Variants in MCC observed in about 807,000 individuals in gnomAD.
The protein encoded by MCC is MCC regulator of Wnt signaling pathway.
Under a neutral mutation model 116.2 loss-of-function variants are expected in MCC, and 90 were observed. The observed-to-expected ratio is 0.77, with a 90% confidence interval of 0.65 to 0.92. The LOEUF (loss-of-function observed/expected upper bound fraction) is 0.92, where lower values mean the gene tolerates loss of function less well. Ranked by LOEUF, MCC falls within the 40% of genes least tolerant of loss-of-function variation. MCC has a pLI of 0.00. For missense variants in MCC, 1,516 were observed against 1,312.2 expected (o/e 1.16, Z -2.40); for synonymous variants, 578 against 510.5 (o/e 1.13, Z -1.78).
Position 113,085,252 on chromosome 5 carries a change from C to G in MCC, c.1457G>C (p.Gly486Ala), listed in dbSNP as rs750351462. The G allele has an allele frequency of 1.9e-6, 3 of 1,614,142 alleles. No homozygotes were observed. In the South Asian group the frequency reaches 3.3e-5, roughly 18 times the overall value. Residue 486 changes from glycine (G) to alanine (A), a missense_variant, in exon 9 of 19, where the codon GGC becomes GCC. Physicochemically the swap from Gly to Ala is moderately conservative, Grantham distance 60. Transcript: ENST00000408903. ...CGGGCGGTTGGTGGAAGTGAGGCGG[C>G]CAGGGCTGGAGGGACCTGTGGCCTG... ...SVQATGPSSP[G>A]RLTSTNRPIN...
chr5:113,231,016 T>A (rs561733996), intron 3 of MCC, among the ~76,000 whole-genome samples: 2 of 152,284 alleles, frequency 1.3e-5, no homozygotes, highest in South Asian at 4.1e-4. Context: ...AGAACTGATA[T>A]ACTGCAGTCA....
In MCC at chr5:113,488,305, T is replaced by A; in HGVS notation, c.110A>T (p.Glu37Val). The change falls in exon 1 of 19, where the codon GAG becomes GTG. Residue 37 changes from glutamate (E) to valine (V), a missense_variant. Coordinates refer to ENST00000408903, the MANE Select transcript of MCC (RefSeq NM_001085377.2). ...CTGGAAGAGGCGCCGCATCCTCTCC[T>A]CCTCGCCGGTGCTGGACGTGTCGCT... is the stretch of plus-strand genomic sequence containing the variant. Reference protein sequence around the residue: ...SSSDTSSTGEEERMRRLFQTC... With the variant: ...SSSDTSSTGEVERMRRLFQTC... 1.3e-6 allele frequency: 2 copies of A among 1,590,864 alleles called. No homozygotes were observed. Among genetic ancestry groups the A allele is most frequent in the Non-Finnish European group, 1.7e-6 (2 of 1,170,624 alleles).
At chr5:113,463,375 G>A (rs1193452374) in intron 1 of MCC, among the ~76,000 whole-genome samples, 1 of 152,184 alleles carries the variant, frequency 6.6e-6, no homozygotes, top group Admixed American at 6.5e-5. Context: ...GGCCAGTTAG[G>A]AATATTTGAA....
intron 8 of MCC, among the ~76,000 whole-genome samples, chr5:113,094,345 G>A (rs1029051182): frequency 6.7e-6 from 1 of 149,584 alleles, no homozygotes; most frequent in Non-Finnish European, 1.5e-5. Flanking sequence ...TTTCTCTTTT[G>A]TTTTATAGCC....
chr5:113,177,110 T>C (rs1291569125), intron 3 of MCC, among the ~76,000 whole-genome samples: 1 of 152,062 alleles, frequency 6.6e-6, no homozygotes, highest in Non-Finnish European at 1.5e-5. Flanking sequence ...CCCCACACCA[T>C]CTTCAGGTGG....
intron 13 of MCC, among the ~76,000 whole-genome samples, chr5:113,065,295 G>A (rs531061044): frequency 6.6e-6 from 1 of 152,168 alleles, no homozygotes; most frequent in East Asian, 1.9e-4. Flanking sequence ...TTGAGGGTTG[G>A]AGGCATATGG....
chr5:113,179,728 AG>A (rs1343766618), intron 3 of MCC, among the ~76,000 whole-genome samples: 1 of 152,216 alleles, frequency 6.6e-6, no homozygotes, highest in Non-Finnish European at 1.5e-5. Context: ...CAGCCCAATT[AG>A]GAACCACACA....
chr5:113,444,655 T>C (rs1008011658), intron 1 of MCC, among the ~76,000 whole-genome samples: 3 of 152,226 alleles, frequency 2.0e-5, no homozygotes, highest in African/African-American at 7.2e-5. Flanking sequence ...AGGCCATCTA[T>C]TTCCTTTTCT....
intron 3 of MCC, among the ~76,000 whole-genome samples, chr5:113,233,556 G>A (rs1764016474): frequency 6.6e-6 from 1 of 152,116 alleles, no homozygotes; most frequent in African/African-American, 2.4e-5. Context: ...TTGAGAAAAG[G>A]AATAAAATGG....
chr5:113,074,957 T>C (rs913686204), intron 11 of MCC, among the ~76,000 whole-genome samples: 22 of 152,312 alleles, frequency 1.4e-4, no homozygotes, highest in Admixed American at 3.9e-4. Context: ...GCTCTGGCCA[T>C]GCTCAAGGAG....
intron 3 of MCC, among the ~76,000 whole-genome samples, chr5:113,288,201 C>G (rs777092191): frequency 1.3e-5 from 2 of 152,224 alleles, no homozygotes; most frequent in Non-Finnish European, 2.9e-5. Context: ...TTCACTGGGC[C>G]CCTTTGGCTT....
chr5:113,404,817 T>TA (rs11451517), intron 1 of MCC, among the ~76,000 whole-genome samples: 66,609 of 150,460 alleles, frequency 0.44, 16,104 homozygotes, highest in African/African-American at 0.64. Context: ...TCAATCAAGT[T>TA]AAAAAAAAAG....
At chr5:113,066,512 G>C (rs1023616312) in intron 13 of MCC, among the ~76,000 whole-genome samples, 3 of 152,202 alleles carry the variant, frequency 2.0e-5, no homozygotes, top group Non-Finnish European at 2.9e-5. Flanking sequence ...GGGAGGATCA[G>C]AGCATCACTC....
At chr5:113,046,717 A>AGG in intron 16 of MCC, among the ~76,000 whole-genome samples, 5 of 136,664 alleles carry the variant, frequency 3.7e-5, no homozygotes, top group Non-Finnish European at 3.1e-5. Context: ...AAAAAGAGAG[A>AGG]GATTTTGAAG....
intron 5 of MCC, among the ~76,000 whole-genome samples, chr5:113,125,284 A>G (rs1226449543): frequency 6.6e-6 from 1 of 152,228 alleles, no homozygotes; most frequent in African/African-American, 2.4e-5. Context: ...AGATAAAATG[A>G]GAAGAAGAGA....
intron 1 of MCC, among the ~76,000 whole-genome samples, chr5:113,409,999 T>C (rs1012153372): frequency 3.3e-5 from 5 of 152,254 alleles, no homozygotes; most frequent in Admixed American, 2.6e-4. Flanking sequence ...TATCTATATA[T>C]TGATAGATAC....
At chr5:113,206,408 A>G (rs1039208268) in intron 3 of MCC, among the ~76,000 whole-genome samples, 2 of 152,104 alleles carry the variant, frequency 1.3e-5, no homozygotes, top group Non-Finnish European at 2.9e-5. Flanking sequence ...TATGCAAATT[A>G]TTTTCCAAAT....
At chr5:113,095,516 T>G (rs28515533) in intron 8 of MCC, among the ~76,000 whole-genome samples, 47,017 of 151,898 alleles carry the variant, frequency 0.31, 7,870 homozygotes, top group African/African-American at 0.45. Flanking sequence ...TAATTTAGGT[T>G]TTCAAAATTA....
At chr5:113,126,081 A>G (rs989125611) in intron 5 of MCC, among the ~76,000 whole-genome samples, 1 of 152,202 alleles carries the variant, frequency 6.6e-6, no homozygotes, top group Admixed American at 6.5e-5. Context: ...TTGGAACATA[A>G]AGGGTCAACT....
Sources: allele counts gnomAD v4.1 joint callset (sites outside exome capture counted in the v4.1 genomes callset), GRCh38; gene constraint gnomAD v4.1.1; transcripts MANE v1.5; gene names NCBI Gene and HGNC (gene_info 2026-07-23, HGNC 2026-07-21).